TRMT11: variants seen among roughly 807,000 people sequenced by gnomAD.
TRMT11 encodes the protein tRNA (guanine(10)-N(2))-methyltransferase TRMT11.
Under a neutral mutation model 62.8 loss-of-function variants are expected in TRMT11, and 53 were observed. That is an observed-to-expected ratio of 0.84 (90% CI 0.68 to 1.06). The LOEUF is 1.06. TRMT11 is among the 50% of genes least tolerant of loss of function. The pLI, the probability that TRMT11 is intolerant of heterozygous loss-of-function variation, is 0.00. For synonymous variants in TRMT11, 188 were observed against 190.3 expected, an observed-to-expected ratio of 0.99 and a Z score of 0.10; for missense variants, 556 against 553.4, an observed-to-expected ratio of 1.00 and a Z score of -0.05.
At chr6:126,026,802 G>GTTTTTTTTT (rs1222722212) in intron 12 of TRMT11, among the ~76,000 whole-genome samples, 1 of 121,732 alleles carries the variant, frequency 8.2e-6, no homozygotes, top group African/African-American at 3.3e-5. Context: ...GGTTTTTTGG[G>GTTTTTTTTT]TTTTTTTTTT....
intron 21 of TRMT11, among the ~76,000 whole-genome samples, chr6:126,120,006 G>A (rs932005984): frequency 4.6e-5 from 7 of 152,110 alleles, no homozygotes; most frequent in African/African-American, 1.7e-4. Flanking sequence ...TGGCTCAGGG[G>A]CTCATGCCTG....
the TRMT11 span, among the ~76,000 whole-genome samples, chr6:126,271,532 T>C: frequency 6.6e-6 from 1 of 151,906 alleles, no homozygotes; most frequent in Non-Finnish European, 1.5e-5. Flanking sequence ...TCTTATAGAA[T>C]GCTAACAGCC....
intron 17 of TRMT11, among the ~76,000 whole-genome samples, chr6:126,100,758 T>G (rs1017973492): frequency 2.4e-4 from 37 of 152,330 alleles, no homozygotes; most frequent in Non-Finnish European, 4.1e-4. Flanking sequence ...GTGCTTTACA[T>G]TTATTGCACA....
intron 21 of TRMT11, among the ~76,000 whole-genome samples, chr6:126,152,195 T>C (rs530299720): frequency 6.6e-6 from 1 of 151,780 alleles, no homozygotes; most frequent in Non-Finnish European, 1.5e-5. Context: ...AATGAAATTT[T>C]GTAACTTCCT....
chr6:126,260,379 T>A, the TRMT11 span, among the ~76,000 whole-genome samples: 1 of 152,192 alleles, frequency 6.6e-6, no homozygotes, highest in Non-Finnish European at 1.5e-5. Flanking sequence ...CTATTATATG[T>A]TCCCTAGCCA....
intron 2 of TRMT11, 36 bp from the exon 3 acceptor site, chr6:125,995,931 A>G (rs765145871): frequency 5.3e-6 from 7 of 1,318,776 alleles, no homozygotes; most frequent in Non-Finnish European, 7.7e-6. Flanking sequence ...CCATGTAGCC[A>G]CTTAGAATTA....
At chr6:126,031,946 A>C (rs1774280908) in intron 12 of TRMT11, among the ~76,000 whole-genome samples, 1 of 152,090 alleles carries the variant, frequency 6.6e-6, no homozygotes, top group South Asian at 2.1e-4. Flanking sequence ...GCTAGAATAG[A>C]GATTGTAGGG....
chr6:126,170,903 C>T (rs1032306603), intron 21 of TRMT11, among the ~76,000 whole-genome samples: 24 of 152,116 alleles, frequency 1.6e-4, no homozygotes, highest in South Asian at 4.1e-4. Flanking sequence ...ACCTGGGAAG[C>T]ATCAATAAAA....
intron 12 of TRMT11, among the ~76,000 whole-genome samples, chr6:126,035,649 G>A (rs192782876): frequency 9.9e-5 from 15 of 152,144 alleles, no homozygotes; most frequent in Admixed American, 8.5e-4. Context: ...ACACATGGTC[G>A]GTTAAGGGCT....
intron 17 of TRMT11, among the ~76,000 whole-genome samples, chr6:126,082,868 TAAG>T (rs1304730712): frequency 2.0e-5 from 3 of 151,972 alleles, no homozygotes; most frequent in Non-Finnish European, 4.4e-5. Flanking sequence ...TAGTTAAAAA[TAAG>T]AAGTGGTTAA....
At chr6:126,200,853 C>T (rs548885401) in intron 3 of TRMT11, among the ~76,000 whole-genome samples, 2 of 152,188 alleles carry the variant, frequency 1.3e-5, no homozygotes, top group South Asian at 2.1e-4. Flanking sequence ...GCGCCCGGCC[C>T]GACATGCATT....
the TRMT11 span, among the ~76,000 whole-genome samples, chr6:126,237,361 G>A: frequency 6.6e-6 from 1 of 152,040 alleles, no homozygotes; most frequent in African/African-American, 2.4e-5. Flanking sequence ...CCACCCCCTA[G>A]CAGAAGTCAG....
At chr6:126,165,005 G>T (rs938666595) in intron 21 of TRMT11, among the ~76,000 whole-genome samples, 1 of 152,106 alleles carries the variant, frequency 6.6e-6, no homozygotes, top group Non-Finnish European at 1.5e-5. Context: ...TTGGCTGGGT[G>T]CAGTGGCTCA....
intron 17 of TRMT11, among the ~76,000 whole-genome samples, chr6:126,111,541 G>C (rs187572849): frequency 4.3e-4 from 66 of 152,204 alleles, no homozygotes; most frequent in Middle Eastern, 3.4e-3. Context: ...CCCAGCACCA[G>C]ATCACCTCTT....
rs559925389 is a variant in TRMT11, at chr6:126,032,780, A to G, written c.1261-5925A>G. The stretch of plus-strand genomic sequence containing the variant: ...ACGGAACTTGACTCTTTTGCTCACA[A>G]TGCAATAAATATTTATGGAAAGAAT... On this transcript the variant is annotated intron_variant, in intron 12 of 12. Transcript: ENST00000334379. 3.9e-5 allele frequency among the ~76,000 whole-genome samples: 6 copies of G among 152,304 alleles called. No homozygotes were observed. In the South Asian group the frequency reaches 8.3e-4, roughly 21 times the overall value.
intron 3 of TRMT11, among the ~76,000 whole-genome samples, chr6:126,200,879 A>G (rs1778728116): frequency 6.6e-6 from 1 of 152,136 alleles, no homozygotes; most frequent in African/African-American, 2.4e-5. Context: ...ATAAAGGCTG[A>G]CTCATCATTG....
the TRMT11 span, among the ~76,000 whole-genome samples, chr6:126,271,363 C>CAAAAAAAAAAAAAAAAAAAAA: frequency 2.8e-5 from 1 of 36,266 alleles, no homozygotes; most frequent in Non-Finnish European, 5.1e-5. Flanking sequence ...GACTCCATCT[C>CAAAAAAAAAAAAAAAAAAAAA]AAAAAAAAAA....
At chr6:126,240,471 C>T in the TRMT11 span, among the ~76,000 whole-genome samples, 1 of 152,158 alleles carries the variant, frequency 6.6e-6, no homozygotes, top group Admixed American at 6.5e-5. Flanking sequence ...TGCTGGAGGT[C>T]CACTCCAGAC....
chr6:126,225,088 G>A, the TRMT11 span, among the ~76,000 whole-genome samples: 5 of 152,290 alleles, frequency 3.3e-5, no homozygotes, highest in East Asian at 9.7e-4. Context: ...GTTCTGTTCA[G>A]GTCTGACAGT....
Sources: gnomAD v4.1 joint callset for allele counts (sites outside exome capture counted in the v4.1 genomes callset) on GRCh38, gnomAD v4.1.1 for gene constraint, MANE v1.5 for transcripts, NCBI Gene and HGNC (gene_info 2026-07-23, HGNC 2026-07-21) for gene names.